The following TMTC2 variants were observed in gnomAD, a reference collection of about 807,000 sequenced individuals.
The protein encoded by TMTC2 is protein O-mannosyl-transferase TMTC2.
Under a neutral mutation model 82.4 loss-of-function variants are expected in TMTC2, and 43 were observed. The observed-to-expected ratio is 0.52, with a 90% CI of 0.41 to 0.67. The LOEUF (loss-of-function observed/expected upper bound fraction) is 0.67. Among genes scored for constraint, TMTC2 ranks in the 30% least tolerant of loss-of-function variants. TMTC2 has a pLI of 0.00. For missense variants in TMTC2, 919 were observed against 1,012.4 expected (o/e 0.91, Z 1.25); for synonymous variants, 408 against 381.9 (o/e 1.07, Z -0.80).
intron 2 of TMTC2, among the ~76,000 whole-genome samples, chr12:82,893,952 G>A (rs1873528239): frequency 6.6e-6 from 1 of 152,154 alleles, no homozygotes; most frequent in South Asian, 2.1e-4. Flanking sequence ...CAGAGGAGAT[G>A]GAGAGAAAAA....
intron 9 of TMTC2, among the ~76,000 whole-genome samples, chr12:83,045,607 A>G (rs1255810651): frequency 1.3e-5 from 2 of 152,144 alleles, no homozygotes; most frequent in African/African-American, 4.8e-5. Context: ...ACATGTATCT[A>G]TCTATACACA....
At chr12:83,027,873 A>G (rs550905550) in intron 8 of TMTC2, among the ~76,000 whole-genome samples, 1 of 152,332 alleles carries the variant, frequency 6.6e-6, no homozygotes, top group African/African-American at 2.4e-5. Flanking sequence ...CCAATGGACT[A>G]TACAGAGAGA....
chr12:82,897,894 C>T (rs1460815228), intron 3 of TMTC2, among the ~76,000 whole-genome samples: 2 of 152,020 alleles, frequency 1.3e-5, no homozygotes, highest in Non-Finnish European at 2.9e-5. Flanking sequence ...CTTTCCAACA[C>T]AATTCTATAT....
intron 1 of TMTC2, among the ~76,000 whole-genome samples, chr12:82,761,776 A>C (rs1876646566): frequency 6.6e-6 from 1 of 152,162 alleles, no homozygotes; most frequent in South Asian, 2.1e-4. Flanking sequence ...AGTGCAACCC[A>C]GCAACAACTT....
chr12:82,945,211 C>G (rs924251118), intron 4 of TMTC2, among the ~76,000 whole-genome samples: 1 of 152,166 alleles, frequency 6.6e-6, no homozygotes, highest in Non-Finnish European at 1.5e-5. Context: ...AAGAAAGATT[C>G]ACTCATTCCT....
At chr12:82,704,598 G>A (rs1873253977) in intron 1 of TMTC2, among the ~76,000 whole-genome samples, 1 of 151,570 alleles carries the variant, frequency 6.6e-6, no homozygotes, top group Non-Finnish European at 1.5e-5. Context: ...TGGAATGGTA[G>A]TCTCTTTCAA....
At chr12:82,909,686 T>G (rs559814102) in intron 3 of TMTC2, among the ~76,000 whole-genome samples, 89 of 152,286 alleles carry the variant, frequency 5.8e-4, no homozygotes, top group African/African-American at 2.0e-3. Context: ...TCCAACCAAT[T>G]AATACATTCA....
intron 1 of TMTC2, among the ~76,000 whole-genome samples, chr12:82,743,599 G>A (rs1369817124): frequency 2.6e-5 from 4 of 152,036 alleles, no homozygotes; most frequent in Non-Finnish European, 5.9e-5. Flanking sequence ...GGCTGGTGGT[G>A]TTACTTTCCT....
At chr12:82,702,769 A>G (rs1305140142) in intron 1 of TMTC2, among the ~76,000 whole-genome samples, 1 of 152,156 alleles carries the variant, frequency 6.6e-6, no homozygotes, top group African/African-American at 2.4e-5. Context: ...TCTACAAAAA[A>G]TAAAATAGCT....
rs548305704 is a variant in TMTC2 at position 83,037,424 on chromosome 12, A to C, written c.2152+6545A>C. Among the ~76,000 whole-genome samples, 3 of 152,336 alleles carry C rather than the reference A, an allele frequency of 2.0e-5. No individual in the cohort carries two copies. In the East Asian group the frequency reaches 5.8e-4, roughly 29 times the overall value. On this transcript the variant is annotated intron_variant, in intron 9 of 11. Coordinates refer to ENST00000321196, the MANE Select transcript of TMTC2 (RefSeq NM_152588.3). Reference sequence around the variant, plus strand: ...TAATGAACCAAATAATATTGCCTTAATTAAAAATGAAAATAGATTTTGAGT... The same window carrying C: ...TAATGAACCAAATAATATTGCCTTACTTAAAAATGAAAATAGATTTTGAGT...
At chr12:83,035,058 C>T (rs1881605573) in intron 9 of TMTC2, among the ~76,000 whole-genome samples, 1 of 152,060 alleles carries the variant, frequency 6.6e-6, no homozygotes. Flanking sequence ...ATGAAAGTGC[C>T]AGAGTGAGTG....
At chr12:83,078,735 C>T (rs1286161009) in intron 11 of TMTC2, among the ~76,000 whole-genome samples, 1 of 152,090 alleles carries the variant, frequency 6.6e-6, no homozygotes, top group Non-Finnish European at 1.5e-5. Flanking sequence ...GACCAGCTCT[C>T]ATATGGTTTT....
chr12:83,094,130 C>G (rs1407851824), intron 11 of TMTC2, among the ~76,000 whole-genome samples: 2 of 152,204 alleles, frequency 1.3e-5, no homozygotes, highest in Non-Finnish European at 2.9e-5. Flanking sequence ...AAAAACATTT[C>G]TTTACATAGA....
intron 9 of TMTC2, among the ~76,000 whole-genome samples, chr12:83,049,169 A>G (rs1288744519): frequency 6.6e-6 from 1 of 152,148 alleles, no homozygotes; most frequent in African/African-American, 2.4e-5. Context: ...TACAGGTTAC[A>G]CATGCATGAT....
At chr12:82,837,717 A>G (rs545054580) in intron 1 of TMTC2, among the ~76,000 whole-genome samples, 5 of 152,298 alleles carry the variant, frequency 3.3e-5, no homozygotes, top group African/African-American at 1.2e-4. Flanking sequence ...CATCATTTAA[A>G]CCTTTTAAAT....
At chr12:82,970,855 A>G (rs938129586) in intron 7 of TMTC2, among the ~76,000 whole-genome samples, 6 of 152,164 alleles carry the variant, frequency 3.9e-5, no homozygotes, top group East Asian at 3.9e-4. Context: ...TGCAGTCAAA[A>G]TCCTTCTCTT....
intron 3 of TMTC2, among the ~76,000 whole-genome samples, chr12:82,917,823 T>A (rs535772733): frequency 6.6e-6 from 1 of 152,046 alleles, no homozygotes; most frequent in Non-Finnish European, 1.5e-5. Context: ...AGGATGGTCT[T>A]GATCTCCTGA....
intron 1 of TMTC2, among the ~76,000 whole-genome samples, chr12:82,825,719 A>C (rs1869382874): frequency 6.6e-6 from 1 of 152,216 alleles, no homozygotes; most frequent in Admixed American, 6.5e-5. Context: ...CAAATGGGAT[A>C]CTTTGTCGAA....
At chr12:82,696,574 CTATT>C (rs1872798684) in intron 1 of TMTC2, among the ~76,000 whole-genome samples, 2 of 152,288 alleles carry the variant, frequency 1.3e-5, no homozygotes, top group East Asian at 3.9e-4. Flanking sequence ...TTTCACCTCT[CTATT>C]TAAGTTTAAA....
Sources: gnomAD v4.1 joint callset for allele counts (sites outside exome capture counted in the v4.1 genomes callset) on GRCh38, gnomAD v4.1.1 for gene constraint, MANE v1.5 for transcripts, NCBI Gene and HGNC (gene_info 2026-07-23, HGNC 2026-07-21) for gene names.